RNF14: variants seen among roughly 807,000 people sequenced by gnomAD.
RNF14 encodes the protein E3 ubiquitin-protein ligase RNF14.
Under a neutral mutation model 52.6 loss-of-function variants are expected in RNF14, and 26 were observed. That is an observed-to-expected ratio of 0.49 (90% confidence interval 0.36 to 0.69). The LOEUF (loss-of-function observed/expected upper bound fraction) is 0.69. Among genes scored for constraint, RNF14 ranks in the 30% least tolerant of loss-of-function variants. RNF14 has a pLI of 0.00. For missense variants in RNF14, 404 were observed against 560.4 expected, an observed-to-expected ratio of 0.72 and a Z score of 2.82; for synonymous variants, 194 against 202.0, an observed-to-expected ratio of 0.96 and a Z score of 0.34.
At chr5:141,961,317 T>C (rs1753273984) in intron 1 of RNF14, among the ~76,000 whole-genome samples, 1 of 152,160 alleles carries the variant, frequency 6.6e-6, no homozygotes, top group African/African-American at 2.4e-5. Flanking sequence ...TTATTGTTTG[T>C]TTTATTCACA....
intron 8 of RNF14, among the ~76,000 whole-genome samples, chr5:141,985,677 T>C (rs1377216458): frequency 6.6e-6 from 1 of 152,178 alleles, no homozygotes; most frequent in Non-Finnish European, 1.5e-5. Context: ...CTCAGCCTCC[T>C]GAGTAGCTGG....
intron 4 of RNF14, among the ~76,000 whole-genome samples, chr5:141,975,916 C>A (rs549970208): frequency 3.7e-4 from 41 of 110,248 alleles, no homozygotes; most frequent in African/African-American, 1.5e-3. Flanking sequence ...CAGACAGAGA[C>A]CCTGTCTCAA....
chr5:141,985,553 ACATT>A, intron 8 of RNF14, among the ~76,000 whole-genome samples: 1 of 152,088 alleles, frequency 6.6e-6, no homozygotes, highest in African/African-American at 2.4e-5. Context: ...TGTTTTGTGA[ACATT>A]CACTTTTTTT....
chr5:141,957,406 G>C, upstream of RNF14: 1 of 1,613,518 alleles, frequency 6.2e-7, no homozygotes, highest in Non-Finnish European at 8.5e-7. This position sits in a 1 kb window ranked among gnomAD's most constrained non-coding sequence, Gnocchi z 4.3. Flanking sequence ...GGTTCGCAGA[G>C]AGGCGCTCTC....
chr5:141,955,665 G>T (rs748190222), upstream of RNF14: 16 of 1,614,138 alleles, frequency 9.9e-6, no homozygotes, highest in Non-Finnish European at 1.3e-5. The surrounding 1 kb of genome is among the most constrained non-coding windows in gnomAD (Gnocchi z 5.5). Context: ...GGATCAACCC[G>T]AAGATGCCCA....
chr5:141,974,946 A>T lies in RNF14; in HGVS notation c.297A>T (p.Ser99=). 1 of 1,613,722 alleles carries T rather than the reference A, an allele frequency of 6.2e-7. No homozygotes were observed. The highest frequency in any genetic ancestry group is 8.5e-7 in the Non-Finnish European group (1 of 1,179,940). ...TCACACTTAGTGGCAAATGGCTGTCACCAACTCAGGTTAGACTTGAAACTT... is the reference window on the plus strand; with the variant it reads ...TCACACTTAGTGGCAAATGGCTGTCTCCAACTCAGGTTAGACTTGAAACTT... ...PSFTLSGKWL[S]PTQLSALCKH... is the part of the protein sequence containing the mutation. Residue 99 remains serine (S), a synonymous_variant, in exon 4 of 9, where the codon TCA becomes TCT. Transcript: ENST00000394520.
chr5:141,950,545 AACCAAG>A, the RNF14 span, among the ~76,000 whole-genome samples: 1 of 152,186 alleles, frequency 6.6e-6, no homozygotes, highest in African/African-American at 2.4e-5. Flanking sequence ...CAAATGAGAA[AACCAAG>A]ACTTGTGAAG....
In RNF14 at chr5:141,989,325, T is replaced by C. The variant is rs540621326; in HGVS notation, c.*1535T>C. ...CTTTTACCTGGGCTTGTGACTGAGCTTAGGTTTTAGGGCCCATATTTTGTT... is the reference window on the plus strand; with the variant it reads ...CTTTTACCTGGGCTTGTGACTGAGCCTAGGTTTTAGGGCCCATATTTTGTT... On this transcript the variant is annotated 3_prime_UTR_variant, in exon 9 of 9. Transcript: ENST00000394520. The C allele has an allele frequency of 3.0e-4, 46 of 152,298 alleles. No homozygotes were observed. Among genetic ancestry groups the C allele is most frequent in the African/African-American group, 1.1e-3 (44 of 41,536 alleles). 9.4% of individuals were successfully genotyped at this position (152,298 alleles called of 1,614,324 possible).
intron 6 of RNF14, chr5:141,981,608 A>T (rs1596699956): frequency 6.6e-6 from 1 of 152,216 alleles, no homozygotes; most frequent in South Asian, 2.1e-4. Flanking sequence ...TCACCTCTGT[A>T]ATCTCAGCAC....
At chr5:141,961,466 G>C (rs1238631622) in intron 1 of RNF14, among the ~76,000 whole-genome samples, 1 of 152,124 alleles carries the variant, frequency 6.6e-6, no homozygotes, top group Non-Finnish European at 1.5e-5. Context: ...GCAGGGGTCA[G>C]CTGATCTTTA....
intron 1 of RNF14, among the ~76,000 whole-genome samples, chr5:141,960,198 A>C (rs164079): frequency 0.29 from 44,573 of 151,996 alleles, 6,806 homozygotes; most frequent in East Asian, 0.46. Context: ...CAGTCTCACT[A>C]TCCGCCCCGC....
At chr5:141,964,731 G>A (rs1443726525), upstream of RNF14, among the ~76,000 whole-genome samples, 1 of 151,470 alleles carries the variant, frequency 6.6e-6, no homozygotes, top group Non-Finnish European at 1.5e-5. Context: ...CTCCTGTCTC[G>A]GCCTCCCGAG....
At chr5:141,959,768 C>T (rs1753240355) in intron 1 of RNF14, among the ~76,000 whole-genome samples, 1 of 152,146 alleles carries the variant, frequency 6.6e-6, no homozygotes, top group Admixed American at 6.5e-5. Flanking sequence ...AGCAAGGGGC[C>T]TGAATCCAGG....
At chr5:141,978,217 A>C (rs899268699) in intron 4 of RNF14, 86 bp from the exon 5 acceptor site, 1 of 1,221,136 alleles carries the variant, frequency 8.2e-7, no homozygotes, top group Admixed American at 2.3e-5. Context: ...CTAACTTGCA[A>C]GTGGAAAAGA....
At chr5:141,956,694 A>G, upstream of RNF14, 2 of 1,614,236 alleles carry the variant, frequency 1.2e-6, no homozygotes, top group African/African-American at 2.7e-5. Flanking sequence ...GGACCAAACC[A>G]TTGTGTCCTG....
chr5:141,957,548 C>T (rs1561537089), upstream of RNF14: 16 of 1,614,208 alleles, frequency 9.9e-6, no homozygotes, highest in Non-Finnish European at 1.4e-5. This position sits in a 1 kb window ranked among gnomAD's most constrained non-coding sequence, Gnocchi z 4.3. Context: ...AGGCAGGGAT[C>T]CCACTGTCGG....
chr5:141,983,545 C>G lies in RNF14; in HGVS notation c.1229C>G (p.Pro410Arg). 6.2e-7 allele frequency: 1 copy of G among 1,609,014 alleles called. No homozygotes were observed. Among genetic ancestry groups the G allele is most frequent in the South Asian group, 1.1e-5 (1 of 90,480 alleles). ...AAGAGCTGCCCATGTTGTGGAACTCCCATAGAGGTAAATGTTTTGGGACAG... is the reference window on the plus strand; with the variant it reads ...AAGAGCTGCCCATGTTGTGGAACTCGCATAGAGGTAAATGTTTTGGGACAG... ...NSKSCPCCGT[P>R]IEKLDGCNKM... The change falls in exon 7 of 9, where the codon CCC (proline) becomes CGC (arginine). Residue 410 changes from proline (P) to arginine (R), a missense_variant. By Grantham distance (103) the Pro-to-Arg change is moderately radical (BLOSUM62 -2). Coordinates refer to ENST00000394520, the MANE Select transcript of RNF14 (RefSeq NM_004290.5).
upstream of RNF14, chr5:141,956,360 G>T (rs780920819): frequency 6.2e-7 from 1 of 1,614,182 alleles, no homozygotes; most frequent in East Asian, 2.2e-5. Context: ...TCCTGGATGC[G>T]GTATGAGACT....
At chr5:141,986,535 C>T (rs145595253) in intron 8 of RNF14, among the ~76,000 whole-genome samples, 53 of 152,276 alleles carry the variant, frequency 3.5e-4, no homozygotes, top group African/African-American at 1.1e-3. Context: ...GTATTGTATA[C>T]GCTGAGTATC....
Sources: allele counts gnomAD v4.1 joint callset (sites outside exome capture counted in the v4.1 genomes callset), GRCh38; gene constraint gnomAD v4.1.1; non-coding constraint Gnocchi (gnomAD v3.1); transcripts MANE v1.5; gene names NCBI Gene and HGNC (gene_info 2026-07-23, HGNC 2026-07-21).